CIZ1: variants seen among roughly 807,000 people sequenced by gnomAD.
The protein encoded by CIZ1 is CDKN1A interacting zinc finger protein 1.
Under a neutral mutation model 118.6 loss-of-function variants are expected in CIZ1, and 58 were observed. The ratio of observed to expected loss-of-function variants is 0.49; its 90% CI spans 0.40 to 0.61. The LOEUF is 0.61. CIZ1 is among the 20% of genes least tolerant of loss of function. The probability of loss-of-function intolerance (pLI) is 0.00; values close to 1 mark genes in which losing one functional copy is unlikely to be tolerated. For missense variants in CIZ1, 921 were observed against 1,115.9 expected, an observed-to-expected ratio of 0.83 and a Z score of 2.49; for synonymous variants, 448 against 443.4, an observed-to-expected ratio of 1.01 and a Z score of -0.13.
intron 14 of CIZ1, among the ~76,000 whole-genome samples, chr9:128,168,188 G>A (rs1018215840): frequency 2.0e-5 from 3 of 152,222 alleles, no homozygotes; most frequent in East Asian, 1.9e-4. Flanking sequence ...ACCAGGGCCT[G>A]ACCTAGAACA....
Position 128,178,895 on chromosome 9 carries a change from G to C in CIZ1, c.1312C>G (p.Gln438Glu), listed in dbSNP as rs1264261631. ...QTQTYPQVHT[Q>E]AQPSVQPQEH... ...TGTGGCTGGACGCTTGGCTGTGCCT[G>C]TGTGTGGACCTGTGGATATGTCTGT... Residue 438 changes from glutamine to glutamate, a missense_variant, in exon 8 of 17, where the codon CAG (glutamine) becomes GAG (glutamate). Coordinates refer to ENST00000372938, the MANE Select transcript of CIZ1 (RefSeq NM_001131016.2). The C allele has an allele frequency of 1.9e-6, 3 of 1,614,124 alleles. No homozygotes were observed. The Admixed American group carries it at 5.0e-5, about 27-fold the overall frequency.
intron 5 of CIZ1, among the ~76,000 whole-genome samples, chr9:128,183,605 A>G (rs1831974227): frequency 6.6e-6 from 1 of 152,200 alleles, no homozygotes; most frequent in African/African-American, 2.4e-5. Context: ...CCCTTTGCAG[A>G]TCTCCTGCTT....
At chr9:128,192,136 T>C (rs1223053016), upstream of CIZ1, among the ~76,000 whole-genome samples, 1 of 152,006 alleles carries the variant, frequency 6.6e-6, no homozygotes, top group Non-Finnish European at 1.5e-5. Flanking sequence ...CCGCCTGTAA[T>C]CTCAGTACTC....
Position 128,178,448 on chromosome 9 carries a change from C to A in CIZ1, c.1541G>T (p.Ser514Ile). The A allele has an allele frequency of 6.2e-7, 1 of 1,614,126 alleles. No homozygotes were observed. The highest frequency in any genetic ancestry group is 8.5e-7 in the Non-Finnish European group (1 of 1,179,998). Reference sequence around the variant, plus strand: ...CGACTCATTCTGAATCTCTTCCATGCTGACTTGGGTGCCCACAGGCTCTGG... The same window carrying A: ...CGACTCATTCTGAATCTCTTCCATGATGACTTGGGTGCCCACAGGCTCTGG... Reference protein sequence around the residue: ...TLPEPVGTQVSMEEIQNESAC... With the variant: ...TLPEPVGTQVIMEEIQNESAC... Residue 514 changes from serine (S) to isoleucine (I), a missense_variant, in exon 9 of 17, where the codon AGC (serine) becomes ATC (isoleucine). Transcript: ENST00000372938.
At chr9:128,180,855 C>T in intron 5 of CIZ1, 41 bp from the exon 6 acceptor site, 1 of 1,423,742 alleles carries the variant, frequency 7.0e-7, no homozygotes, top group Non-Finnish European at 9.8e-7. Context: ...CAATACCCAC[C>T]CCTATCAATA....
chr9:128,185,147 G>A (rs562679754), intron 5 of CIZ1, among the ~76,000 whole-genome samples: 42 of 152,086 alleles, frequency 2.8e-4, no homozygotes, highest in African/African-American at 9.4e-4. Context: ...GCGTGGTGGC[G>A]CATGCCTGTA....
chr9:128,181,388 G>C (rs889717894), intron 5 of CIZ1, among the ~76,000 whole-genome samples: 51 of 152,204 alleles, frequency 3.4e-4, no homozygotes, highest in African/African-American at 1.0e-3. Flanking sequence ...GACACGAGCT[G>C]TTCCAGTATA....
intron 11 of CIZ1, among the ~76,000 whole-genome samples, chr9:128,173,168 G>A (rs1216605417): frequency 7.9e-6 from 1 of 126,704 alleles, no homozygotes; most frequent in African/African-American, 3.1e-5. Context: ...TTTTTGAGAC[G>A]GAGTCTCGCT....
upstream of CIZ1, among the ~76,000 whole-genome samples, chr9:128,195,260 T>C (rs1200774144): frequency 3.3e-5 from 5 of 152,194 alleles, no homozygotes; most frequent in African/African-American, 1.2e-4. Context: ...CACAATATGA[T>C]GTGAAGTGAG....
chr9:128,198,638 C>A (rs1176545765), intron 1 of CIZ1, among the ~76,000 whole-genome samples: 4 of 151,694 alleles, frequency 2.6e-5, no homozygotes, highest in Non-Finnish European at 5.9e-5. Context: ...TCGACACCAT[C>A]CTGACCAGCA....
chr9:128,175,302 G>A (rs995650132), intron 11 of CIZ1, among the ~76,000 whole-genome samples: 5 of 152,078 alleles, frequency 3.3e-5, no homozygotes, highest in South Asian at 4.2e-4. Flanking sequence ...ATCATTTCCC[G>A]TTAGATTTTT....
chr9:128,203,667 C>T lies in CIZ1; in HGVS notation c.-6+519G>A, dbSNP rs762975001. 6.8e-7 allele frequency: 1 copy of T among 1,476,884 alleles called. No individual in the cohort carries two copies. The highest frequency in any genetic ancestry group is 2.4e-5 in the Admixed American group (1 of 41,564). The allele number at this position is 1,476,884 out of a possible 1,614,324, so 91.5% of individuals were successfully genotyped here. A position where few individuals can be genotyped will look rare whatever the true frequency, so the allele number is the denominator to read the frequency against. ...CGCGCCCCCAGGCGCCGACCCCCGA[C>T]CCCCGGGATCCCTGGAGTCCCCGCC... is the stretch of plus-strand genomic sequence containing the variant. On this transcript the variant is annotated intron_variant, in intron 1 of 17. Transcript: ENST00000372948. The surrounding 1 kb of genome is among the most constrained non-coding windows in gnomAD (Gnocchi z 5.3).
intron 12 of CIZ1, 198 bp from the exon 13 acceptor site, chr9:128,169,717 C>T (rs761822318): frequency 6.5e-7 from 1 of 1,534,694 alleles, no homozygotes; most frequent in South Asian, 1.2e-5. Flanking sequence ...GATAGGATGG[C>T]AGATGGCAAC....
At chr9:128,185,821 G>A (rs1219880377) in intron 4 of CIZ1, 45 bp from the exon 5 acceptor site, 2 of 1,377,872 alleles carry the variant, frequency 1.5e-6, no homozygotes, top group East Asian at 2.3e-5. Flanking sequence ...ATGTGGTCGG[G>A]TGGCAGAAGG....
intron 11 of CIZ1, among the ~76,000 whole-genome samples, chr9:128,175,022 T>C (rs745755609): frequency 1.3e-5 from 2 of 152,138 alleles, no homozygotes; most frequent in African/African-American, 2.4e-5. Flanking sequence ...AGAGATAACA[T>C]TGGGAGAGGG....
At chr9:128,190,272 C>T (rs964434911) in intron 3 of CIZ1, 57 bp downstream of exon 3, 99 of 1,223,032 alleles carry the variant, frequency 8.1e-5, no homozygotes, top group Admixed American at 7.2e-4. Context: ...TAGAGCAATG[C>T]GCTGCTAGGG....
At chr9:128,172,405 A>G (rs903085946) in intron 11 of CIZ1, among the ~76,000 whole-genome samples, 2 of 151,954 alleles carry the variant, frequency 1.3e-5, no homozygotes, top group Admixed American at 1.3e-4. Flanking sequence ...GAGGCGGGAG[A>G]ATTGCTTGAA....
upstream of CIZ1, chr9:128,191,954 C>A: frequency 7.2e-7 from 1 of 1,393,916 alleles, no homozygotes; most frequent in Non-Finnish European, 9.4e-7. This position sits in a 1 kb window ranked among gnomAD's most constrained non-coding sequence, Gnocchi z 5.5. Flanking sequence ...TCGAGGGACC[C>A]AGGCCAGGCG....
intron 5 of CIZ1, among the ~76,000 whole-genome samples, chr9:128,184,895 T>C (rs1340948580): frequency 6.6e-6 from 1 of 152,038 alleles, no homozygotes; most frequent in African/African-American, 2.4e-5. Context: ...GTTTCGAACC[T>C]CTGACCTCAG....
Sources: allele counts gnomAD v4.1 joint callset (sites outside exome capture counted in the v4.1 genomes callset), GRCh38; gene constraint gnomAD v4.1.1; non-coding constraint Gnocchi (gnomAD v3.1); transcripts MANE v1.5; gene names NCBI Gene and HGNC (gene_info 2026-07-23, HGNC 2026-07-21).